The following SORCS1 variants were observed in gnomAD, a reference collection of about 807,000 sequenced individuals.
SORCS1 encodes sortilin related VPS10 domain containing receptor 1, also known as VPS10 domain-containing receptor SorCS1.
SORCS1 carries 60 observed loss-of-function variants against 146.1 expected under a neutral mutation model. That is an observed-to-expected ratio of 0.41 (90% CI 0.33 to 0.51). SORCS1 has a LOEUF of 0.51. Among genes scored for constraint, SORCS1 ranks in the 20% least tolerant of loss-of-function variants. The probability of loss-of-function intolerance (pLI) is 0.21; values close to 1 mark genes in which losing one functional copy is unlikely to be tolerated. For missense variants in SORCS1, 1,352 were observed against 1,487.6 expected, an observed-to-expected ratio of 0.91 and a Z score of 1.50; for synonymous variants, 637 against 584.0, an observed-to-expected ratio of 1.09 and a Z score of -1.31.
At chr10:107,111,154 A>T (rs932706011) in intron 1 of SORCS1, among the ~76,000 whole-genome samples, 106 of 152,368 alleles carry the variant, frequency 7.0e-4, no homozygotes, top group African/African-American at 2.5e-3. Flanking sequence ...GCAAGGCTAC[A>T]GCGATAACAA....
rs1232468555 is a variant in SORCS1 at position 106,620,464 on chromosome 10, G to T, written c.2760C>A (p.Thr920=). ...TTCCGTACCACCACACGTAAGTGAG[G>T]GTGCCCACTTGGCTGGGCCACAGCA... ...TAVLWPSQVG[T]LTYVWWYGNN... Residue 920 remains threonine, a synonymous_variant, in exon 20 of 26, where the codon ACC becomes ACA. Coordinates refer to ENST00000263054, the MANE Select transcript of SORCS1 (RefSeq NM_052918.5). 1 of 1,613,802 alleles carries T rather than the reference G, an allele frequency of 6.2e-7. No homozygotes were observed. The highest frequency in any genetic ancestry group is 1.3e-5 in the African/African-American group (1 of 74,938).
At chr10:106,889,839 C>A (rs1280653556) in intron 2 of SORCS1, among the ~76,000 whole-genome samples, 1 of 146,320 alleles carries the variant, frequency 6.8e-6, no homozygotes. Context: ...GAGCCGAGAT[C>A]GCGCCACTGT....
At chr10:106,600,574 A>G (rs1480711483) in intron 23 of SORCS1, 4 of 985,258 alleles carry the variant, frequency 4.1e-6, no homozygotes, top group East Asian at 1.1e-4. Context: ...TATTTTTTCA[A>G]AAGATTACAA....
chr10:106,941,619 C>A (rs1307870373), intron 2 of SORCS1, among the ~76,000 whole-genome samples: 1 of 152,162 alleles, frequency 6.6e-6, no homozygotes, highest in East Asian at 1.9e-4. Flanking sequence ...TGAACAATAC[C>A]AAGGAATGTG....
intron 6 of SORCS1, among the ~76,000 whole-genome samples, chr10:106,727,928 G>A (rs948607498): frequency 3.2e-4 from 49 of 152,228 alleles, no homozygotes; most frequent in African/African-American, 1.1e-3. Flanking sequence ...AGTGAGGAGA[G>A]GGCAGACTAA....
In SORCS1 at chr10:106,980,939, G is replaced by A. The variant is rs529763887; in HGVS notation, c.559-24359C>T. Among the ~76,000 whole-genome samples the A allele has an allele frequency of 8.1e-5, 12 of 148,658 alleles. No individual in the cohort carries two copies. The South Asian group carries it at 1.4e-3, about 17-fold the overall frequency. ...TCCCCAGGGGGCTTTAATTTATTTC[G>A]TTTAAGCTTGATTCCTTGAACTTTG... On this transcript the variant is annotated intron_variant, in intron 1 of 25. Transcript: ENST00000263054.
intron 1 of SORCS1, among the ~76,000 whole-genome samples, chr10:107,023,474 T>C (rs207471362): frequency 6.6e-6 from 1 of 152,194 alleles, no homozygotes; most frequent in Non-Finnish European, 1.5e-5. Flanking sequence ...TTTAATCCCA[T>C]AAACATGTGC....
chr10:106,740,228 C>G (rs896140725), intron 5 of SORCS1, among the ~76,000 whole-genome samples: 1 of 152,146 alleles, frequency 6.6e-6, no homozygotes, highest in African/African-American at 2.4e-5. Context: ...CAGAAAGTAT[C>G]TTCTTCCCAC....
chr10:106,817,718 C>T (rs548920844), intron 3 of SORCS1, among the ~76,000 whole-genome samples: 1 of 152,338 alleles, frequency 6.6e-6, no homozygotes, highest in Non-Finnish European at 1.5e-5. Flanking sequence ...ACTCGATGCT[C>T]ATTTCCAACT....
intron 16 of SORCS1, among the ~76,000 whole-genome samples, chr10:106,669,461 A>G (rs759963928): frequency 5.9e-5 from 9 of 152,272 alleles, no homozygotes; most frequent in Non-Finnish European, 1.2e-4. Flanking sequence ...CTAATGTAAG[A>G]TGCTAACTTC....
chr10:106,708,245 G>GGTGTGTGT (rs58427067), intron 7 of SORCS1, among the ~76,000 whole-genome samples: 1 of 148,700 alleles, frequency 6.7e-6, no homozygotes. Context: ...ATAAAGAAAT[G>GGTGTGTGT]GTGTGTGTGT....
At chr10:106,695,503 C>T (rs1324626468) in intron 9 of SORCS1, among the ~76,000 whole-genome samples, 2 of 152,132 alleles carry the variant, frequency 1.3e-5, no homozygotes, top group Non-Finnish European at 2.9e-5. Flanking sequence ...GGTTTAGGTC[C>T]TAACTCTGCC....
At chr10:106,993,525 G>A (rs1956859894) in intron 1 of SORCS1, among the ~76,000 whole-genome samples, 1 of 152,144 alleles carries the variant, frequency 6.6e-6, no homozygotes. Context: ...ACTTCCAGAA[G>A]AGTATGCAGG....
chr10:106,577,199 T>C lies in SORCS1; in HGVS notation c.*221A>G. Reference sequence around the variant, plus strand: ...ATGTTTTGTTTTGTTTTTGTTTTTGTTTTTTTACTGGCGTCCTCCATTCAA... The same window carrying C: ...ATGTTTTGTTTTGTTTTTGTTTTTGCTTTTTTACTGGCGTCCTCCATTCAA... On this transcript the variant is annotated 3_prime_UTR_variant, in exon 26 of 26. Coordinates refer to ENST00000263054, the MANE Select transcript of SORCS1 (RefSeq NM_052918.5). 1 of 1,525,974 alleles carries C rather than the reference T, an allele frequency of 6.6e-7. No individual in the cohort carries two copies. The highest frequency in any genetic ancestry group is 8.8e-7 in the Non-Finnish European group (1 of 1,131,246). The allele number at this position is 1,525,974 out of a possible 1,614,324, so 94.5% of individuals were successfully genotyped here.
intron 2 of SORCS1, among the ~76,000 whole-genome samples, chr10:106,933,101 C>A (rs7090917): frequency 0.025 from 3,833 of 152,176 alleles, 118 homozygotes; most frequent in African/African-American, 0.072. Context: ...CTTGTAAATG[C>A]AGAATATTTT....
chr10:107,137,275 C>A (rs1967385268), intron 1 of SORCS1, among the ~76,000 whole-genome samples: 1 of 152,164 alleles, frequency 6.6e-6, no homozygotes, highest in Non-Finnish European at 1.5e-5. Context: ...GCCAACTGTA[C>A]TGATCCTACT....
At chr10:106,986,578 ATCTC>A (rs796981649) in intron 1 of SORCS1, among the ~76,000 whole-genome samples, 34 of 150,792 alleles carry the variant, frequency 2.3e-4, no homozygotes, top group African/African-American at 7.6e-4. Flanking sequence ...TTTATACCCC[ATCTC>A]TCTCTTTCCT....
intron 3 of SORCS1, among the ~76,000 whole-genome samples, chr10:106,796,868 G>A (rs1946585818): frequency 6.6e-6 from 1 of 152,204 alleles, no homozygotes; most frequent in Non-Finnish European, 1.5e-5. Flanking sequence ...CCAGCACTTT[G>A]GGAGGCCAAG....
Position 107,164,437 on chromosome 10 carries a change from G to T in SORCS1, c.90C>A (p.Gly30=). Residue 30 remains glycine (G), a synonymous_variant, in exon 1 of 26, where the codon GGC becomes GGA. Transcript: ENST00000263054. The surrounding 1 kb of genome is among the most constrained non-coding windows in gnomAD (Gnocchi z 6.8). ...GGCAGCAGGAGCCGCCGCCGCAGAC[G>T]CCCGGGGCGCAGAGGATCAAGAGCC... is the stretch of plus-strand genomic sequence containing the variant. ...GAGLLILCAP[G]VCGGGSCCPS... The T allele has an allele frequency of 7.1e-7, 1 of 1,409,476 alleles. No homozygotes were observed. Among genetic ancestry groups the T allele is most frequent in the South Asian group, 1.6e-5 (1 of 63,126 alleles). 87.3% of individuals were successfully genotyped at this position (1,409,476 alleles called of 1,614,324 possible). A position where few individuals can be genotyped will look rare whatever the true frequency, so the allele number is the denominator to read the frequency against.
Sources: allele counts gnomAD v4.1 joint callset (sites outside exome capture counted in the v4.1 genomes callset), GRCh38; gene constraint gnomAD v4.1.1; non-coding constraint Gnocchi (gnomAD v3.1); transcripts MANE v1.5; gene names NCBI Gene and HGNC (gene_info 2026-07-23, HGNC 2026-07-21).